The following RASSF6 variants were observed in gnomAD, a reference collection of about 807,000 sequenced individuals.
RASSF6 encodes the protein Ras association domain family member 6, also known as ras association domain-containing protein 6.
RASSF6 carries 52 observed loss-of-function variants against 44.0 expected under a neutral mutation model. The observed-to-expected ratio is 1.18, with a 90% CI of 0.95 to 1.49. RASSF6 has a LOEUF of 1.49. Among genes scored for constraint, RASSF6 ranks in the 40% most tolerant of loss-of-function variants. The probability of loss-of-function intolerance (pLI) is 0.00; values close to 1 mark genes in which losing one functional copy is unlikely to be tolerated. For synonymous variants in RASSF6, 162 were observed against 124.6 expected (o/e 1.30, Z -2.00); for missense variants, 464 against 393.3 (o/e 1.18, Z -1.52).
At chr4:73,619,963 CG>C (rs1726596909) in intron 1 of RASSF6, among the ~76,000 whole-genome samples, 4 of 152,000 alleles carry the variant, frequency 2.6e-5, no homozygotes, top group Admixed American at 2.6e-4. Context: ...TTGTAAGGCA[CG>C]ATTTTTGCCA....
intron 5 of RASSF6, among the ~76,000 whole-genome samples, chr4:73,586,405 C>T (rs16849675): frequency 0.28 from 42,347 of 151,714 alleles, 6,141 homozygotes; most frequent in Admixed American, 0.4. Context: ...ACTCTAGTAT[C>T]TATTGAGTAG....
rs562092419 is a variant in RASSF6, at chr4:73,587,945, A to G, written c.288-11T>C. ...CCCCAGCGTGTCATTCTGAGAAGTA[A>G]TAAATCTTGTAAGTACATCAGTTCC... On this transcript the variant is annotated splice_polypyrimidine_tract_variant and intron_variant, in intron 4 of 10. Coordinates refer to ENST00000307439, the MANE Select transcript of RASSF6 (RefSeq NM_177532.5). 3 of 1,562,592 alleles carry G rather than the reference A, an allele frequency of 1.9e-6. No individual in the cohort carries two copies. The Admixed American group carries it at 5.0e-5, about 26-fold the overall frequency.
chr4:73,614,408 T>G (rs1308036575), intron 1 of RASSF6, among the ~76,000 whole-genome samples: 2 of 152,196 alleles, frequency 1.3e-5, no homozygotes, highest in Admixed American at 1.3e-4. Context: ...ATGAATGTGG[T>G]TAGTGCCCTT....
Position 73,578,294 on chromosome 4 carries a change from G to A in RASSF6, c.722-1563C>T, listed in dbSNP as rs77104950. Among the ~76,000 whole-genome samples, 626 of 152,264 alleles carry A rather than the reference G, an allele frequency of 4.1e-3. 5 individuals carry two copies. Among genetic ancestry groups the A allele is most frequent in the African/African-American group, 0.015 (603 of 41,542 alleles). On this transcript the variant is annotated intron_variant, in intron 8 of 10. Transcript: ENST00000307439. ...TAGAGGTGTGAGGAAAGAACGAGGT[G>A]CATGTGAATGGAATCCAAGTCTTGG... is the stretch of plus-strand genomic sequence containing the variant.
At chr4:73,589,148 G>C (rs1724335244) in intron 4 of RASSF6, among the ~76,000 whole-genome samples, 1 of 152,132 alleles carries the variant, frequency 6.6e-6, no homozygotes, top group Non-Finnish European at 1.5e-5. Context: ...TTATGATGTA[G>C]AGAAGGTAAT....
Position 73,573,311 on chromosome 4 carries a change from A to G in RASSF6, c.*2924T>C, listed in dbSNP as rs1457423282. The G allele has an allele frequency of 6.6e-6, 1 of 152,070 alleles. No individual in the cohort carries two copies. The highest frequency in any genetic ancestry group is 1.5e-5 in the Non-Finnish European group (1 of 68,028). 9.4% of individuals were successfully genotyped at this position (152,070 alleles called of 1,614,324 possible). On this transcript the variant is annotated 3_prime_UTR_variant, in exon 11 of 11. Coordinates refer to ENST00000307439, the MANE Select transcript of RASSF6 (RefSeq NM_177532.5). ...CCGGCTCATTTTTTGTATTTTTAGT[A>G]GAGGCAGGGTTTCACCATGTTGGCC...
intron 4 of RASSF6, among the ~76,000 whole-genome samples, 167 bp downstream of exon 4, chr4:73,593,284 G>A (rs901880970): frequency 5.9e-5 from 9 of 152,094 alleles, no homozygotes; most frequent in African/African-American, 1.9e-4. Flanking sequence ...CCGAAGTGCC[G>A]GGATTACAGG....
intron 1 of RASSF6, among the ~76,000 whole-genome samples, chr4:73,619,725 G>C (rs1291001451): frequency 6.6e-6 from 1 of 152,116 alleles, no homozygotes; most frequent in Non-Finnish European, 1.5e-5. Flanking sequence ...CTTAACTCAT[G>C]CACTCCCATT....
intron 1 of RASSF6, among the ~76,000 whole-genome samples, chr4:73,614,998 G>A (rs902928696): frequency 2.0e-5 from 3 of 151,912 alleles, no homozygotes; most frequent in African/African-American, 7.2e-5. Context: ...AAGTCCCATT[G>A]TTAGTATTAA....
At chr4:73,599,613 C>G (rs1331564155) in intron 2 of RASSF6, among the ~76,000 whole-genome samples, 1 of 152,176 alleles carries the variant, frequency 6.6e-6, no homozygotes, top group Non-Finnish European at 1.5e-5. Context: ...TCTATTCTAT[C>G]TTTCTCTCAG....
rs780502613 is a variant in RASSF6, at chr4:73,587,933, T to C, written c.289A>G (p.Met97Val). The change falls in exon 5 of 11, where the codon ATG becomes GTG. Residue 97 changes from methionine (M) to valine (V), a missense_variant and splice_region_variant. Coordinates refer to ENST00000307439, the MANE Select transcript of RASSF6 (RefSeq NM_177532.5). The stretch of plus-strand genomic sequence containing the variant: ...TCGTCAAATTCCCCCCAGCGTGTCA[T>C]TCTGAGAAGTAATAAATCTTGTAAG... ...KSSDVFSSKG[M>V]TRWGEFDDLY... The C allele has an allele frequency of 1.3e-6, 2 of 1,596,824 alleles. No individual in the cohort carries two copies. Among genetic ancestry groups the C allele is most frequent in the South Asian group, 2.2e-5 (2 of 90,144 alleles).
At chr4:73,618,224 T>C (rs1394103334) in intron 1 of RASSF6, among the ~76,000 whole-genome samples, 5 of 151,770 alleles carry the variant, frequency 3.3e-5, no homozygotes, top group African/African-American at 1.2e-4. Context: ...TAGTTTATAA[T>C]AAAATGTTAT....
intron 8 of RASSF6, among the ~76,000 whole-genome samples, chr4:73,577,068 A>T (rs1013743798): frequency 6.6e-5 from 10 of 152,128 alleles, no homozygotes; most frequent in African/African-American, 2.4e-4. Flanking sequence ...TACAACAAAT[A>T]TTTATTGGTT....
At chr4:73,581,019 A>C (rs1331888950) in intron 8 of RASSF6, among the ~76,000 whole-genome samples, 1 of 151,866 alleles carries the variant, frequency 6.6e-6, no homozygotes, top group Non-Finnish European at 1.5e-5. Context: ...CTAACGTTTA[A>C]GTCTTTAATT....
chr4:73,598,081 A>G (rs1423269010), intron 3 of RASSF6, among the ~76,000 whole-genome samples: 1 of 152,240 alleles, frequency 6.6e-6, no homozygotes, highest in African/African-American at 2.4e-5. Flanking sequence ...ATGTTTACCT[A>G]TGTAACAAAC....
chr4:73,582,370 T>A, intron 6 of RASSF6, 80 bp from the exon 7 acceptor site: 1 of 600,232 alleles, frequency 1.7e-6, no homozygotes. Flanking sequence ...AATCTTCTTA[T>A]AGGGCAAAAA....
intron 8 of RASSF6, among the ~76,000 whole-genome samples, chr4:73,581,397 G>T (rs1450716566): frequency 6.6e-6 from 1 of 152,112 alleles, no homozygotes; most frequent in Non-Finnish European, 1.5e-5. Flanking sequence ...CTCCCGCAAT[G>T]TGTCAGACCC....
Position 73,572,985 on chromosome 4 carries a change from C to A in RASSF6, c.*3250G>T, listed in dbSNP as rs1161171244. ...CACACATACATATATAATATATATGCCTTAAGTACATAATAAATATTTTGG... is the reference window on the plus strand; with the variant it reads ...CACACATACATATATAATATATATGACTTAAGTACATAATAAATATTTTGG... On this transcript the variant is annotated 3_prime_UTR_variant, in exon 11 of 11. Coordinates refer to ENST00000307439, the MANE Select transcript of RASSF6 (RefSeq NM_177532.5). The A allele has an allele frequency of 6.6e-6, 1 of 151,498 alleles. No individual in the cohort carries two copies. Among genetic ancestry groups the A allele is most frequent in the Non-Finnish European group, 1.5e-5 (1 of 67,920 alleles). The allele number at this position is 151,498 out of a possible 1,614,324, so 9.4% of individuals were successfully genotyped here.
Position 73,620,297 on chromosome 4 carries a change from A to T in RASSF6, c.-44T>A. Reference sequence around the variant, plus strand: ...CATCCCCATTTTTTACCTGTTATTCACACTGTGAGCAGGAGGACCCTTTTC... The same window carrying T: ...CATCCCCATTTTTTACCTGTTATTCTCACTGTGAGCAGGAGGACCCTTTTC... On this transcript the variant is annotated 5_prime_UTR_variant, in exon 1 of 11. An upstream open reading frame in the 5' UTR loses its in-frame stop. Transcript: ENST00000307439. 1 of 1,440,496 alleles carries T rather than the reference A, an allele frequency of 6.9e-7. No homozygotes were observed. Among genetic ancestry groups the T allele is most frequent in the South Asian group, 1.5e-5 (1 of 66,698 alleles). 89.2% of individuals were successfully genotyped at this position (1,440,496 alleles called of 1,614,324 possible). A position where few individuals can be genotyped will look rare whatever the true frequency, so the allele number is the denominator to read the frequency against.
Sources: gnomAD v4.1 joint callset for allele counts (sites outside exome capture counted in the v4.1 genomes callset) on GRCh38, gnomAD v4.1.1 for gene constraint, MANE v1.5 for transcripts, NCBI Gene and HGNC (gene_info 2026-07-23, HGNC 2026-07-21) for gene names.